The following PDE1C variants were observed in gnomAD, a reference collection of about 807,000 sequenced individuals.
PDE1C encodes the protein phosphodiesterase 1C, also known as dual specificity calcium/calmodulin-dependent 3',5'-cyclic nucleotide phosphodiesterase 1C.
In PDE1C, 62 loss-of-function variants were observed where a neutral mutation model predicts 93.1. The ratio of observed to expected loss-of-function variants is 0.67; its 90% confidence interval spans 0.54 to 0.82. The LOEUF is 0.82. Ranked by LOEUF, PDE1C falls within the 40% of genes least tolerant of loss-of-function variation. PDE1C has a pLI of 0.00. For synonymous variants in PDE1C, 325 were observed against 310.1 expected (o/e 1.05, Z -0.50); for missense variants, 742 against 884.6 (o/e 0.84, Z 2.04).
intron 16 of PDE1C, among the ~76,000 whole-genome samples, chr7:31,782,954 G>A (rs1477780417): frequency 6.6e-6 from 1 of 152,202 alleles, no homozygotes; most frequent in Non-Finnish European, 1.5e-5. Flanking sequence ...TTCAAACACA[G>A]CTGGTAGGTT....
intron 1 of PDE1C, among the ~76,000 whole-genome samples, chr7:32,053,009 T>C (rs892546717): frequency 1.3e-5 from 2 of 152,292 alleles, no homozygotes; most frequent in South Asian, 2.1e-4. Context: ...TAGGACTATA[T>C]AGAGATATTT....
intron 1 of PDE1C, among the ~76,000 whole-genome samples, chr7:32,370,541 G>A (rs1161687801): frequency 6.7e-6 from 1 of 149,114 alleles, no homozygotes; most frequent in African/African-American, 2.5e-5. Flanking sequence ...ACAAGGACAG[G>A]AAACCAAACA....
intron 1 of PDE1C, among the ~76,000 whole-genome samples, chr7:32,362,813 C>A (rs1449501204): frequency 6.6e-6 from 1 of 152,216 alleles, no homozygotes; most frequent in Non-Finnish European, 1.5e-5. Flanking sequence ...CCTGAGCAAA[C>A]GCACTACACT....
intron 1 of PDE1C, among the ~76,000 whole-genome samples, chr7:32,373,731 T>C (rs11768174): frequency 0.014 from 2,070 of 152,346 alleles, 32 homozygotes; most frequent in Middle Eastern, 0.041. Context: ...CTCATGCCTG[T>C]AATCCCAGCA....
chr7:32,422,405 T>G (rs1033742623), intron 1 of PDE1C, among the ~76,000 whole-genome samples: 18 of 152,176 alleles, frequency 1.2e-4, no homozygotes, highest in African/African-American at 4.1e-4. Context: ...CATGGTGCTG[T>G]GGTTTGGGGT....
rs902353113 is a variant in PDE1C at position 32,407,730 on chromosome 7, T to C, written c.310+20092A>G. The stretch of plus-strand genomic sequence containing the variant: ...TTCCTTACAGGTTTGTAATTTTAGA[T>C]GAAGTGTCTATTTCATCGAAGCTTT... On this transcript the variant is annotated intron_variant, in intron 1 of 1. Coordinates refer to the PDE1C transcript ENST00000672256. 5.9e-4 allele frequency among the ~76,000 whole-genome samples: 90 copies of C among 152,194 alleles called. 3 individuals carry two copies. Among genetic ancestry groups the C allele is most frequent in the Non-Finnish European group, 1.5e-5 (1 of 68,042 alleles).
intron 3 of PDE1C, among the ~76,000 whole-genome samples, chr7:32,165,699 C>T (rs1162356236): frequency 6.6e-6 from 1 of 152,192 alleles, no homozygotes; most frequent in African/African-American, 2.4e-5. Flanking sequence ...TCCCTTGACA[C>T]ATGGGATTAC....
intron 1 of PDE1C, among the ~76,000 whole-genome samples, chr7:32,222,381 G>A (rs986966695): frequency 6.6e-6 from 1 of 152,156 alleles, no homozygotes; most frequent in Non-Finnish European, 1.5e-5. Flanking sequence ...TTTGCATACT[G>A]TTTCCCCCAG....
In PDE1C at chr7:31,815,972, C is replaced by A; in HGVS notation, c.1765G>T (p.Gly589Trp). The change falls in exon 15 of 18, where the codon GGG becomes TGG. Residue 589 changes from glycine (G) to tryptophan (W), a missense_variant. Physicochemically the swap from Gly to Trp is radical, Grantham distance 184. Around this residue, in one of 4 missense-constraint regions of PDE1C, gnomAD observed 454 missense variants for 459.4 expected, o/e 0.99. Coordinates refer to ENST00000396191, the MANE Select transcript of PDE1C (RefSeq NM_001191057.4). ...GACTTCTCGGCTTTGGAGTTTTTCC[C>A]ACGAGGGTTGTCACTTTTGTTTGCC... The part of the protein sequence containing the change: ...TRANKSDNPR[G>W]KNSKAEKSSG... The A allele has an allele frequency of 6.2e-7, 1 of 1,613,972 alleles. No individual in the cohort carries two copies. Among genetic ancestry groups the A allele is most frequent in the Non-Finnish European group, 8.5e-7 (1 of 1,179,900 alleles).
At chr7:32,056,067 T>A (rs758453742) in intron 1 of PDE1C, among the ~76,000 whole-genome samples, 1 of 152,116 alleles carries the variant, frequency 6.6e-6, no homozygotes, top group Non-Finnish European at 1.5e-5. Context: ...TGTAATATTT[T>A]GAAACTTGAA....
intron 2 of PDE1C, among the ~76,000 whole-genome samples, chr7:31,961,430 G>A (rs1180441535): frequency 1.3e-5 from 2 of 152,022 alleles, no homozygotes; most frequent in Non-Finnish European, 2.9e-5. Context: ...AATGAAGTGA[G>A]TCTAAATGCA....
chr7:32,400,549 A>G (rs1156299821), intron 1 of PDE1C, among the ~76,000 whole-genome samples: 1 of 152,244 alleles, frequency 6.6e-6, no homozygotes, highest in East Asian at 1.9e-4. Flanking sequence ...AAACCAGTTT[A>G]ATTTCGTTTA....
the PDE1C span, among the ~76,000 whole-genome samples, chr7:31,660,341 C>A: frequency 6.6e-6 from 1 of 152,206 alleles, no homozygotes; most frequent in South Asian, 2.1e-4. Context: ...TATTTATGAT[C>A]AAAGGGAAAT....
At chr7:31,812,569 ATAT>A (rs759062953) in intron 15 of PDE1C, among the ~76,000 whole-genome samples, 18 of 152,270 alleles carry the variant, frequency 1.2e-4, no homozygotes, top group Non-Finnish European at 1.5e-4. Context: ...ATGACATATG[ATAT>A]TATGTAGAAT....
At chr7:31,962,628 C>T (rs1809172281) in intron 2 of PDE1C, among the ~76,000 whole-genome samples, 1 of 152,168 alleles carries the variant, frequency 6.6e-6, no homozygotes, top group African/African-American at 2.4e-5. Context: ...CAGGAGAAAG[C>T]AGGAGAGGAC....
intron 16 of PDE1C, chr7:31,789,443 C>CGTAAA (rs1784344158): frequency 1.9e-5 from 3 of 157,130 alleles, no homozygotes; most frequent in African/African-American, 7.2e-5. Flanking sequence ...AGAAGATGTC[C>CGTAAA]AGCCAGTGGT....
chr7:31,684,658 T>C, the PDE1C span, among the ~76,000 whole-genome samples: 1 of 152,036 alleles, frequency 6.6e-6, no homozygotes, highest in Non-Finnish European at 1.5e-5. Flanking sequence ...AATAAGCACA[T>C]GAAAAAATGT....
At chr7:32,354,108 T>C (rs1406218958) in intron 1 of PDE1C, among the ~76,000 whole-genome samples, 2 of 152,224 alleles carry the variant, frequency 1.3e-5, no homozygotes, top group African/African-American at 2.4e-5. Context: ...CTATGATTCT[T>C]GTAGAGTCTT....
At chr7:32,387,686 C>T (rs1303622630) in intron 1 of PDE1C, among the ~76,000 whole-genome samples, 4 of 147,922 alleles carry the variant, frequency 2.7e-5, no homozygotes, top group Non-Finnish European at 3.0e-5. Context: ...GGGCTGACCC[C>T]CCCCACCTCC....
Sources: gnomAD v4.1 joint callset for allele counts (sites outside exome capture counted in the v4.1 genomes callset) on GRCh38, gnomAD v4.1.1 for gene constraint, gnomAD v4.1.1 regional missense constraint, MANE v1.5 for transcripts, NCBI Gene and HGNC (gene_info 2026-07-23, HGNC 2026-07-21) for gene names.